ADGRB3: variants seen among roughly 807,000 people sequenced by gnomAD.
ADGRB3 encodes the protein brain-specific angiogenesis inhibitor 3.
A neutral mutation model predicts 193.4 loss-of-function variants in ADGRB3; 37 were observed. The ratio of observed to expected loss-of-function variants is 0.19; its 90% CI spans 0.15 to 0.25. The LOEUF (loss-of-function observed/expected upper bound fraction) is 0.25. Ranked by LOEUF, ADGRB3 falls within the 10% of genes least tolerant of loss-of-function variation. The pLI is 1.00. For missense variants in ADGRB3, 1,637 were observed against 1,852.9 expected, an observed-to-expected ratio of 0.88 and a Z score of 2.14; for synonymous variants, 690 against 644.2, an observed-to-expected ratio of 1.07 and a Z score of -1.08.
intron 3 of ADGRB3, among the ~76,000 whole-genome samples, chr6:68,866,849 T>C (rs576123023): frequency 1.3e-5 from 2 of 152,302 alleles, no homozygotes; most frequent in East Asian, 1.9e-4. Flanking sequence ...ATTTAGAGTA[T>C]CGGGCAGGAG....
intron 24 of ADGRB3, among the ~76,000 whole-genome samples, chr6:69,337,795 T>C (rs1222785399): frequency 6.6e-6 from 1 of 152,170 alleles, no homozygotes; most frequent in South Asian, 2.1e-4. Flanking sequence ...AGTACCCTTA[T>C]TTAAAATAAA....
rs1582346421 is a variant in ADGRB3, at chr6:68,956,069, T to A, written c.1241T>A (p.Val414Glu). 1 of 1,613,940 alleles carries A rather than the reference T, an allele frequency of 6.2e-7. No homozygotes were observed. The highest frequency in any genetic ancestry group is 2.2e-5 in the East Asian group (1 of 44,830). Residue 414 changes from valine to glutamate, a missense_variant, in exon 7 of 32, where the codon GTA becomes GAA. Physicochemically the swap from Val to Glu is moderately radical, Grantham distance 121. Transcript: ENST00000370598. ...QEWSSWSQCS[V>E]TCSNGTQQRS... ...TGGAGTTCGTGGAGCCAGTGCTCAG[T>A]AACGTGCTCGAATGGGACTCAGCAG...
chr6:68,637,983 T>C (rs948504047), intron 2 of ADGRB3, among the ~76,000 whole-genome samples: 5 of 152,228 alleles, frequency 3.3e-5, no homozygotes, highest in African/African-American at 1.2e-4. Context: ...TCTCAAATGA[T>C]GGTTTTAAAA....
chr6:69,074,750 T>G (rs556694441), intron 16 of ADGRB3, among the ~76,000 whole-genome samples: 3 of 152,034 alleles, frequency 2.0e-5, no homozygotes, highest in Non-Finnish European at 4.4e-5. Flanking sequence ...TTTCACTGTG[T>G]TAGCCAGGAT....
At chr6:68,919,817 T>G (rs2150241606) in intron 3 of ADGRB3, among the ~76,000 whole-genome samples, 1 of 152,308 alleles carries the variant, frequency 6.6e-6, no homozygotes, top group African/African-American at 2.4e-5. Flanking sequence ...TGAAGTCAGA[T>G]TATCTGACAT....
At chr6:68,800,436 T>A (rs1317747825) in intron 3 of ADGRB3, among the ~76,000 whole-genome samples, 6 of 152,134 alleles carry the variant, frequency 3.9e-5, no homozygotes, top group African/African-American at 1.4e-4. Context: ...GCTGGAGCTA[T>A]GAACCTGGGA....
At chr6:69,197,415 C>CA (rs1554168240) in intron 17 of ADGRB3, among the ~76,000 whole-genome samples, 1 of 149,542 alleles carries the variant, frequency 6.7e-6, no homozygotes, top group Non-Finnish European at 1.5e-5. Context: ...TTACTAAAGA[C>CA]TTTTTTTTTT....
chr6:69,245,846 A>T (rs1766488260), intron 20 of ADGRB3, among the ~76,000 whole-genome samples: 1 of 152,192 alleles, frequency 6.6e-6, no homozygotes, highest in African/African-American at 2.4e-5. Flanking sequence ...GGACTAAGTC[A>T]TACTCATTAT....
intron 3 of ADGRB3, among the ~76,000 whole-genome samples, chr6:68,693,398 G>T (rs1316228497): frequency 6.6e-6 from 1 of 151,826 alleles, no homozygotes; most frequent in Non-Finnish European, 1.5e-5. Flanking sequence ...TTTTTAGAAG[G>T]CCTCTTAAAA....
intron 17 of ADGRB3, among the ~76,000 whole-genome samples, chr6:69,132,220 T>C (rs547365166): frequency 9.2e-5 from 14 of 152,314 alleles, no homozygotes; most frequent in African/African-American, 3.4e-4. Context: ...CCATAATGGT[T>C]GAACTAATTT....
Position 69,388,858 on chromosome 6 carries a change from T to G in ADGRB3, c.4536T>G (p.Asp1512Glu). The G allele has an allele frequency of 6.2e-7, 1 of 1,612,918 alleles. No homozygotes were observed. The highest frequency in any genetic ancestry group is 8.5e-7 in the Non-Finnish European group (1 of 1,179,440). Reference sequence around the variant, plus strand: ...AGAAGTGTCTGAATTTGCCTCTGGATGTGCAAGAGGGTGACTTTCAAACAG... The same window carrying G: ...AGAAGTGTCTGAATTTGCCTCTGGAGGTGCAAGAGGGTGACTTTCAAACAG... The part of the protein sequence containing the change: ...EWEKCLNLPL[D>E]VQEGDFQTEV The change falls in exon 32 of 32, where the codon GAT becomes GAG. Residue 1512 changes from aspartate (D) to glutamate (E), a missense_variant. Asp to Glu is a conservative substitution (Grantham distance 45). Coordinates refer to ENST00000370598, the MANE Select transcript of ADGRB3 (RefSeq NM_001704.3).
chr6:69,025,780 C>T (rs753839353), intron 13 of ADGRB3, among the ~76,000 whole-genome samples: 2 of 152,168 alleles, frequency 1.3e-5, no homozygotes, highest in African/African-American at 4.8e-5. Context: ...CTTTGATATG[C>T]AGCTGTAGAG....
At chr6:69,339,305 C>T (rs1395122801) in intron 25 of ADGRB3, 28 bp from the exon 26 acceptor site, 6 of 1,608,608 alleles carry the variant, frequency 3.7e-6, no homozygotes, top group South Asian at 3.3e-5. Flanking sequence ...TGTATAGCTA[C>T]GTAATGTTAC....
rs147077538 is a variant in ADGRB3 at position 68,779,902 on chromosome 6, C to T, written c.757+140470C>T. On this transcript the variant is annotated intron_variant, in intron 3 of 31. Transcript: ENST00000370598. Reference sequence around the variant, plus strand: ...AGAATGTTTCAGCAGGAAATAAAACCACAGAAGAAACACTTTTTTTATCCT... The same window carrying T: ...AGAATGTTTCAGCAGGAAATAAAACTACAGAAGAAACACTTTTTTTATCCT... Among the ~76,000 whole-genome samples, 216 of 152,082 alleles carry T rather than the reference C, an allele frequency of 1.4e-3. 1 individual carries two copies. The highest frequency in any genetic ancestry group is 3.2e-3 in the Admixed American group (49 of 15,244).
At chr6:69,280,584 A>T (rs1767413384) in intron 20 of ADGRB3, among the ~76,000 whole-genome samples, 1 of 152,232 alleles carries the variant, frequency 6.6e-6, no homozygotes, top group South Asian at 2.1e-4. Context: ...CAATATTGTG[A>T]AGATTAAATG....
At position 68,814,688 on chromosome 6, in the gene ADGRB3, G is replaced by A. The variant is rs184946846; in HGVS notation, c.758-115871G>A. Among the ~76,000 whole-genome samples the A allele has an allele frequency of 2.6e-5, 4 of 152,258 alleles. No homozygotes were observed. The East Asian group carries it at 7.7e-4, about 29-fold the overall frequency. On this transcript the variant is annotated intron_variant, in intron 3 of 31. Transcript: ENST00000370598. The stretch of plus-strand genomic sequence containing the variant: ...GCCTGGCAGAGACACAACAAAACAA[G>A]AGAATTTTAGACCAATATCCCTGAT...
chr6:68,906,004 A>G (rs1269240445), intron 3 of ADGRB3, among the ~76,000 whole-genome samples: 3 of 152,126 alleles, frequency 2.0e-5, no homozygotes, highest in Non-Finnish European at 4.4e-5. Flanking sequence ...ATCCTTGTGG[A>G]TAATCTTCAA....
chr6:68,923,268 A>G (rs2150243153), intron 3 of ADGRB3, among the ~76,000 whole-genome samples: 1 of 152,220 alleles, frequency 6.6e-6, no homozygotes, highest in East Asian at 1.9e-4. Context: ...TTATATCAAT[A>G]TAATAGGTAA....
intron 3 of ADGRB3, among the ~76,000 whole-genome samples, chr6:68,874,532 T>G (rs1446904059): frequency 1.3e-5 from 2 of 152,126 alleles, no homozygotes; most frequent in Non-Finnish European, 2.9e-5. Flanking sequence ...TAGCTTTAAG[T>G]GAATCCATGT....
Sources: gnomAD v4.1 joint callset for allele counts (sites outside exome capture counted in the v4.1 genomes callset) on GRCh38, gnomAD v4.1.1 for gene constraint, MANE v1.5 for transcripts, NCBI Gene and HGNC (gene_info 2026-07-23, HGNC 2026-07-21) for gene names.